CAND1: variants seen among roughly 807,000 people sequenced by gnomAD.
CAND1 encodes the protein cullin associated and neddylation dissociated 1.
A neutral mutation model predicts 108.5 loss-of-function variants in CAND1; 7 were observed. The observed-to-expected ratio is 0.06, with a 90% CI of 0.04 to 0.12. The LOEUF (loss-of-function observed/expected upper bound fraction) is 0.12. Among genes scored for constraint, CAND1 ranks in the 10% least tolerant of loss-of-function variants. The pLI is 1.00. For synonymous variants in CAND1, 534 were observed against 512.0 expected (o/e 1.04, Z -0.58); for missense variants, 941 against 1,448.7 (o/e 0.65, Z 5.69).
At chr12:67,279,384 A>G (rs1223124963) in intron 1 of CAND1, among the ~76,000 whole-genome samples, 1 of 152,182 alleles carries the variant, frequency 6.6e-6, no homozygotes, top group Non-Finnish European at 1.5e-5. Context: ...CATGCCATGG[A>G]CAGCTTTCAA....
At chr12:67,276,260 C>G (rs1156317728) in intron 1 of CAND1, among the ~76,000 whole-genome samples, 1 of 152,194 alleles carries the variant, frequency 6.6e-6, no homozygotes, top group Non-Finnish European at 1.5e-5. Flanking sequence ...CCTAAAATCC[C>G]CAACAGTCTC....
intron 2 of CAND1, among the ~76,000 whole-genome samples, chr12:67,284,285 A>G (rs1407530172): frequency 2.6e-5 from 4 of 152,108 alleles, no homozygotes; most frequent in South Asian, 2.1e-4. Flanking sequence ...ACTTAAAAAA[A>G]AAAGAAAGAA....
At position 67,319,903 on chromosome 12, in the gene CAND1, T is replaced by C. The variant is rs1472349055; in HGVS notation, c.*7073T>C. The C allele has an allele frequency of 6.6e-6, 1 of 152,244 alleles. No individual in the cohort carries two copies. Among genetic ancestry groups the C allele is most frequent in the Non-Finnish European group, 1.5e-5 (1 of 68,040 alleles). 9.4% of individuals were successfully genotyped at this position (152,244 alleles called of 1,614,324 possible). ...TTGGATTCATTCCTTTTAAAAAATA[T>C]TTACTGTCATTTCAGTAGAATTTTG... On this transcript the variant is annotated 3_prime_UTR_variant, in exon 15 of 15. Coordinates refer to ENST00000545606, the MANE Select transcript of CAND1 (RefSeq NM_018448.5).
intron 2 of CAND1, among the ~76,000 whole-genome samples, chr12:67,290,514 A>G (rs1463283770): frequency 6.6e-6 from 1 of 152,162 alleles, no homozygotes; most frequent in Admixed American, 6.5e-5. Flanking sequence ...TGTCTCAAAA[A>G]AAAAAAACTT....
At chr12:67,269,836 G>T (rs1029637572) in intron 1 of CAND1, 51 bp downstream of exon 1, 90 of 1,524,374 alleles carry the variant, frequency 5.9e-5, no homozygotes, top group Non-Finnish European at 7.7e-5. Flanking sequence ...CGCAGCCGCG[G>T]CCCTGGCCGT....
intron 1 of CAND1, chr12:67,270,875 A>G (rs1178705496): frequency 1.3e-5 from 2 of 152,184 alleles, no homozygotes; most frequent in Non-Finnish European, 2.9e-5. Context: ...GAAATAACAA[A>G]TAGTCTTCAA....
In CAND1 at chr12:67,302,497, C is replaced by T; in HGVS notation, c.1175C>T (p.Ala392Val). 6.2e-7 allele frequency: 1 copy of T among 1,614,076 alleles called. No homozygotes were observed. The highest frequency in any genetic ancestry group is 1.6e-4 in the Middle Eastern group (1 of 6,062). Residue 392 changes from alanine (A) to valine (V), a missense_variant, in exon 8 of 15, where the codon GCA becomes GTA. Around this residue, in one of 9 missense-constraint regions of CAND1, gnomAD observed 697 missense variants for 942.0 expected, o/e 0.74. Coordinates refer to ENST00000545606, the MANE Select transcript of CAND1 (RefSeq NM_018448.5). ...RFKEREENVK[A>V]DVFHAYLSLL... is the part of the protein sequence containing the mutation. The stretch of plus-strand genomic sequence containing the variant: ...AAAGAGCGTGAAGAGAATGTAAAGG[C>T]AGATGTTTTTCACGCATACCTTTCT...
At chr12:67,288,160 T>TTTTCTTTTTTTTTC in intron 2 of CAND1, among the ~76,000 whole-genome samples, 1 of 148,304 alleles carries the variant, frequency 6.7e-6, no homozygotes. Flanking sequence ...TTTTTTAGAC[T>TTTTCTTTTTTTTTC]CCAGTCTGTC....
intron 1 of CAND1, among the ~76,000 whole-genome samples, chr12:67,272,189 A>G (rs2044526910): frequency 6.6e-6 from 1 of 152,250 alleles, no homozygotes; most frequent in Non-Finnish European, 1.5e-5. Flanking sequence ...ACTAAGGACG[A>G]GAGAAGAAAC....
Position 67,305,752 on chromosome 12 carries a change from A to G in CAND1, c.2084A>G (p.Asp695Gly), listed in dbSNP as rs778178337. The change falls in exon 10 of 15, where the codon GAT becomes GGT. Residue 695 changes from aspartate to glycine, a missense_variant. By Grantham distance (94) the Asp-to-Gly change is moderately conservative. Around this residue, in one of 9 missense-constraint regions of CAND1, gnomAD observed 697 missense variants for 942.0 expected, o/e 0.74. Coordinates refer to ENST00000545606, the MANE Select transcript of CAND1 (RefSeq NM_018448.5). The surrounding 1 kb of genome is among the most constrained non-coding windows in gnomAD (Gnocchi z 4.4). The stretch of plus-strand genomic sequence containing the variant: ...GCTGCCATGATTGATGCAGTTCTAG[A>G]TGAGCTCCCACCTCTTATCAGCGAA... Reference protein sequence around the residue: ...LTAAMIDAVLDELPPLISESD... With the variant: ...LTAAMIDAVLGELPPLISESD... 1.2e-6 allele frequency: 2 copies of G among 1,614,216 alleles called. No homozygotes were observed. Among genetic ancestry groups the G allele is most frequent in the Non-Finnish European group, 1.7e-6 (2 of 1,180,034 alleles).
At chr12:67,302,723 G>A (rs1785893172) in intron 8 of CAND1, 108 bp downstream of exon 8, 1 of 927,272 alleles carries the variant, frequency 1.1e-6, no homozygotes, top group Non-Finnish European at 1.6e-6. Context: ...GAAGCAGAAA[G>A]TTCTAGGATA....
chr12:67,293,395 T>C lies in CAND1; in HGVS notation c.367+619T>C, dbSNP rs143540742. 2.9e-3 allele frequency among the ~76,000 whole-genome samples: 443 copies of C among 152,330 alleles called. 3 individuals are homozygous for C. Among genetic ancestry groups the C allele is most frequent in the African/African-American group, 0.01 (435 of 41,572 alleles). ...ATTGCTAAAATTATTAGGCTAAAAGTTTTTGTCTCATCTGCAAAAGGTGAG... is the reference window on the plus strand; with the variant it reads ...ATTGCTAAAATTATTAGGCTAAAAGCTTTTGTCTCATCTGCAAAAGGTGAG... On this transcript the variant is annotated intron_variant, in intron 3 of 14. Transcript: ENST00000545606.
chr12:67,276,644 G>C (rs2044572076), intron 1 of CAND1, among the ~76,000 whole-genome samples: 1 of 152,162 alleles, frequency 6.6e-6, no homozygotes. Context: ...CTGGAGAGGG[G>C]AATGTTTGGT....
chr12:67,311,878 C>A, intron 14 of CAND1, 78 bp downstream of exon 14: 1 of 817,856 alleles, frequency 1.2e-6, no homozygotes, highest in Non-Finnish European at 2.2e-6. Context: ...TCTAGCTTTC[C>A]AAATATAACT....
At chr12:67,284,471 A>T (rs919897711) in intron 2 of CAND1, among the ~76,000 whole-genome samples, 1 of 152,192 alleles carries the variant, frequency 6.6e-6, no homozygotes, top group East Asian at 1.9e-4. Context: ...CAAGACACTG[A>T]TAAGAGTCAA....
At chr12:67,290,509 C>CA (rs879630463) in intron 2 of CAND1, among the ~76,000 whole-genome samples, 2,211 of 141,320 alleles carry the variant, frequency 0.016, 47 homozygotes, top group African/African-American at 0.047. Flanking sequence ...GACAGTGTCT[C>CA]AAAAAAAAAA....
intron 2 of CAND1, among the ~76,000 whole-genome samples, chr12:67,289,005 A>G (rs778391804): frequency 6.6e-6 from 1 of 152,062 alleles, no homozygotes; most frequent in African/African-American, 2.4e-5. Context: ...ATTTTCTCTG[A>G]TGTTAGTAAT....
At chr12:67,287,898 A>C (rs1379623444) in intron 2 of CAND1, among the ~76,000 whole-genome samples, 1 of 145,246 alleles carries the variant, frequency 6.9e-6, no homozygotes, top group Non-Finnish European at 1.5e-5. Context: ...GTTATTTAGA[A>C]GCAGTTTCCA....
chr12:67,292,957 T>G, intron 3 of CAND1, 181 bp downstream of exon 3: 1 of 554,858 alleles, frequency 1.8e-6, no homozygotes, highest in Non-Finnish European at 3.1e-6. Flanking sequence ...GAAATAAATG[T>G]TAAATGAATA....
Sources: allele counts gnomAD v4.1 joint callset (sites outside exome capture counted in the v4.1 genomes callset), GRCh38; gene constraint gnomAD v4.1.1; regional missense constraint gnomAD v4.1.1; non-coding constraint Gnocchi (gnomAD v3.1); transcripts MANE v1.5; gene names NCBI Gene and HGNC (gene_info 2026-07-23, HGNC 2026-07-21).